Variants in RUNX1T1 observed in about 807,000 individuals in gnomAD.
RUNX1T1 encodes the protein RUNX1 partner transcriptional co-repressor 1, also known as protein CBFA2T1.
Under a neutral mutation model 62.8 loss-of-function variants are expected in RUNX1T1, and 4 were observed. The observed-to-expected ratio is 0.06, with a 90% CI of 0.03 to 0.15. The LOEUF is 0.15. Ranked by LOEUF, RUNX1T1 falls within the 10% of genes least tolerant of loss-of-function variation. RUNX1T1 has a pLI of 1.00. For synonymous variants in RUNX1T1, 291 were observed against 286.0 expected (o/e 1.02, Z -0.18); for missense variants, 508 against 754.3 (o/e 0.67, Z 3.82).
At chr8:91,999,850 C>T (rs577663115) in intron 5 of RUNX1T1, among the ~76,000 whole-genome samples, 16 of 152,230 alleles carry the variant, frequency 1.1e-4, no homozygotes, top group Middle Eastern at 3.4e-3. Context: ...TTAGGAAAGA[C>T]AGCAGAAACC....
chr8:91,956,749 CA>C (rs1297953712), downstream of RUNX1T1: 2 of 221,246 alleles, frequency 9.0e-6, no homozygotes, highest in Non-Finnish European at 1.8e-5. Context: ...AAGTATTGCA[CA>C]ACAACTTTAA....
At chr8:91,992,262 A>G (rs902138171) in intron 5 of RUNX1T1, among the ~76,000 whole-genome samples, 1 of 152,214 alleles carries the variant, frequency 6.6e-6, no homozygotes, top group Non-Finnish European at 1.5e-5. Flanking sequence ...ATGAAGATTC[A>G]TCAAGGTAAA....
exon 11 of RUNX1T1, chr8:91,959,486 GTGTATATA>G (rs1563592015): frequency 0.028 from 4,050 of 142,116 alleles, 144 homozygotes; most frequent in Admixed American, 0.058. Context: ...GTGTGTGTGT[GTGTATATA>G]TATATATATA....
intron 10 of RUNX1T1, among the ~76,000 whole-genome samples, chr8:91,962,109 T>C (rs1484322547): frequency 3.3e-5 from 5 of 152,216 alleles, no homozygotes; most frequent in African/African-American, 9.7e-5. Flanking sequence ...CATCCTAACA[T>C]TGTTAACAAA....
chr8:92,061,747 G>T (rs576672492), intron 1 of RUNX1T1, among the ~76,000 whole-genome samples: 1 of 152,056 alleles, frequency 6.6e-6, no homozygotes, highest in African/African-American at 2.4e-5. Flanking sequence ...ACATAAATCG[G>T]CCAGCTGGAG....
At chr8:91,991,142 C>T (rs1817589811) in intron 6 of RUNX1T1, among the ~76,000 whole-genome samples, 1 of 152,112 alleles carries the variant, frequency 6.6e-6, no homozygotes, top group Non-Finnish European at 1.5e-5. Flanking sequence ...TGGGAAACAT[C>T]TGTTAAGCCA....
chr8:92,066,491 T>C (rs897749093), upstream of RUNX1T1, among the ~76,000 whole-genome samples: 1 of 152,248 alleles, frequency 6.6e-6, no homozygotes, highest in Non-Finnish European at 1.5e-5. Context: ...TGGAAGCTAT[T>C]AGTGTTTTCT....
chr8:92,029,490 G>A (rs767085856), intron 1 of RUNX1T1, among the ~76,000 whole-genome samples: 3 of 152,138 alleles, frequency 2.0e-5, no homozygotes, highest in East Asian at 1.9e-4. Context: ...AGTAGGAACC[G>A]AGAGGTGCAT....
exon 2 of RUNX1T1, chr8:92,076,054 C>T: frequency 6.2e-7 from 1 of 1,609,670 alleles, no homozygotes; most frequent in South Asian, 1.1e-5. Context: ...AGATATCATT[C>T]TCCACCAATC....
upstream of RUNX1T1, chr8:92,102,980 G>T: frequency 1.5e-6 from 2 of 1,359,718 alleles, no homozygotes; most frequent in African/African-American, 3.0e-5. This position sits in a 1 kb window ranked among gnomAD's most constrained non-coding sequence, Gnocchi z 4.5. Flanking sequence ...CCCTCGCGAG[G>T]CCAGAGTGTC....
chr8:91,973,256 T>A (rs1685873993), intron 9 of RUNX1T1, among the ~76,000 whole-genome samples: 1 of 151,712 alleles, frequency 6.6e-6, no homozygotes, highest in Admixed American at 6.6e-5. Flanking sequence ...ATATATATAT[T>A]TAAGAGAAAG....
intron 8 of RUNX1T1, among the ~76,000 whole-genome samples, chr8:91,985,372 A>G (rs561244943): frequency 1.3e-5 from 2 of 152,360 alleles, no homozygotes; most frequent in African/African-American, 2.4e-5. Context: ...ATTATATTCT[A>G]TCTGTAACCC....
intron 4 of RUNX1T1, among the ~76,000 whole-genome samples, chr8:92,008,068 T>C (rs1295035849): frequency 2.0e-5 from 3 of 152,174 alleles, no homozygotes; most frequent in South Asian, 2.1e-4. Context: ...CAGTCCATCA[T>C]TGTCTGAAAC....
intron 1 of RUNX1T1, among the ~76,000 whole-genome samples, chr8:92,045,551 C>G (rs747866595): frequency 2.0e-5 from 3 of 152,168 alleles, no homozygotes; most frequent in East Asian, 1.9e-4. Context: ...TGATTCCACT[C>G]TCACCTTTTC....
At chr8:91,964,079 C>T (rs1291164901) in intron 10 of RUNX1T1, among the ~76,000 whole-genome samples, 2 of 152,156 alleles carry the variant, frequency 1.3e-5, no homozygotes, top group Non-Finnish European at 2.9e-5. Context: ...GAATTTGTGG[C>T]TGAACACGAA....
intron 1 of RUNX1T1, among the ~76,000 whole-genome samples, chr8:92,039,145 T>TTG (rs1306242230): frequency 6.2e-5 from 5 of 81,000 alleles, no homozygotes; most frequent in African/African-American, 2.4e-4. Flanking sequence ...TTTGTTGTTG[T>TTG]TTTTTTTTTT....
At chr8:92,100,546 A>G (rs1003319653), upstream of RUNX1T1, among the ~76,000 whole-genome samples, 4 of 152,226 alleles carry the variant, frequency 2.6e-5, no homozygotes, top group Admixed American at 2.6e-4. Context: ...TAAACCAACA[A>G]AATATAAAAT....
At chr8:91,975,077 G>A (rs1004153995) in intron 9 of RUNX1T1, among the ~76,000 whole-genome samples, 1 of 152,216 alleles carries the variant, frequency 6.6e-6, no homozygotes, top group Non-Finnish European at 1.5e-5. Context: ...AAGAGCTGGA[G>A]TTACAGCAGC....
intron 2 of RUNX1T1, among the ~76,000 whole-genome samples, 188 bp downstream of exon 2, chr8:92,075,777 G>T (rs535826670): frequency 6.6e-6 from 1 of 152,218 alleles, no homozygotes; most frequent in East Asian, 1.9e-4. Context: ...CCCACCACCA[G>T]ATTGATCCCC....
Sources: allele counts gnomAD v4.1 joint callset (sites outside exome capture counted in the v4.1 genomes callset), GRCh38; gene constraint gnomAD v4.1.1; non-coding constraint Gnocchi (gnomAD v3.1); transcripts MANE v1.5; gene names NCBI Gene and HGNC (gene_info 2026-07-23, HGNC 2026-07-21).